The following PNPLA6 variants were observed in gnomAD, a reference collection of about 807,000 sequenced individuals.
The protein encoded by PNPLA6 is patatin like domain 6, lysophospholipase.
A neutral mutation model predicts 153.7 loss-of-function variants in PNPLA6; 105 were observed. That is an observed-to-expected ratio of 0.68 (90% confidence interval 0.58 to 0.80). PNPLA6 has a LOEUF of 0.80. PNPLA6 is among the 30% of genes least tolerant of loss of function. The probability of loss-of-function intolerance (pLI) is 0.00; values close to 1 mark genes in which losing one functional copy is unlikely to be tolerated. For missense variants in PNPLA6, 1,423 were observed against 1,919.3 expected, an observed-to-expected ratio of 0.74 and a Z score of 4.83; for synonymous variants, 825 against 822.2, an observed-to-expected ratio of 1.00 and a Z score of -0.06.
rs758827643 is a variant in PNPLA6 at position 7,555,779 on chromosome 19, A to C, written c.3093+16A>C. Reference sequence around the variant, plus strand: ...GTGGGCCAAGGTGTGTGTTGCGAGGAGGGATTGCTGCACCCCAGGAGTGCC... The same window carrying C: ...GTGGGCCAAGGTGTGTGTTGCGAGGCGGGATTGCTGCACCCCAGGAGTGCC... On this transcript the variant is annotated intron_variant, in intron 24 of 31. Coordinates refer to ENST00000600737, the MANE Select transcript of PNPLA6 (RefSeq NM_001166114.2). This position sits in a 1 kb window ranked among gnomAD's most constrained non-coding sequence, Gnocchi z 6.3. 8.7e-6 allele frequency: 14 copies of C among 1,611,820 alleles called. No individual in the cohort carries two copies. Among genetic ancestry groups the C allele is most frequent in the African/African-American group, 1.3e-5 (1 of 74,866 alleles).
intron 13 of PNPLA6, chr19:7,549,699 C>CT (rs1306416360): frequency 1.7e-6 from 1 of 605,840 alleles, no homozygotes; most frequent in African/African-American, 1.8e-5. Flanking sequence ...GTTGGCCAGG[C>CT]TGGTGCCGAA....
At position 7,561,656 on chromosome 19, in the gene PNPLA6, C is replaced by A; in HGVS notation, c.*94C>A. On this transcript the variant is annotated 3_prime_UTR_variant, in exon 32 of 32. Transcript: ENST00000600737. ...GCTCACTCCCCCTCCTGCTGCTATG[C>A]CTGTGACCCCCGCGGCCCACACACT... 1 of 860,182 alleles carries A rather than the reference C, an allele frequency of 1.2e-6. No homozygotes were observed. Among genetic ancestry groups the A allele is most frequent in the Non-Finnish European group, 1.9e-6 (1 of 529,186 alleles). 53.3% of individuals were successfully genotyped at this position (860,182 alleles called of 1,614,324 possible).
At chr19:7,534,891 C>T (rs2022765440), upstream of PNPLA6, 2 of 158,714 alleles carry the variant, frequency 1.3e-5, no homozygotes, top group African/African-American at 4.8e-5. Context: ...CATCCCAGGA[C>T]TCTTCTGAAA....
intron 3 of PNPLA6, among the ~76,000 whole-genome samples, chr19:7,536,947 A>AG (rs1444681837): frequency 6.6e-6 from 1 of 150,656 alleles, no homozygotes; most frequent in East Asian, 1.9e-4. Flanking sequence ...AAAAAAAAAA[A>AG]AAAAAGAAGA....
In PNPLA6 at chr19:7,542,908, G is replaced by A; in HGVS notation, c.1510G>A (p.Ala504Thr). 1 of 1,613,604 alleles carries A rather than the reference G, an allele frequency of 6.2e-7. No individual in the cohort carries two copies. The highest frequency in any genetic ancestry group is 1.3e-5 in the African/African-American group (1 of 75,052). Residue 504 changes from alanine to threonine, a missense_variant, in exon 12 of 32, where the codon GCC (alanine) becomes ACC (threonine). By Grantham distance (58) the Ala-to-Thr change is moderately conservative. This residue lies in a region of PNPLA6 where 267 missense variants were observed against 255.1 expected (regional missense o/e 1.05). Transcript: ENST00000600737. ...CTTCGAGGCAGCAAAGCAGGAGCTG[G>A]CCAAGCTGATGCGGATTGAGGTGGG... ...SIFEAAKQELAKLMRIEDPSL... is the reference protein window; with the variant it reads ...SIFEAAKQELTKLMRIEDPSL...
At position 7,557,093 on chromosome 19, in the gene PNPLA6, CCATCGGGCCGGCTGGG is replaced by C. The variant is rs2023913378; in HGVS notation, c.3281-73_3281-58del. The stretch of plus-strand genomic sequence containing the variant: ...TTAACAACGTCCCAGGTCAGCGAGC[CCATCGGGCCGGCTGGG>C]CCTCCGGCGTGTCTGAGCGTGTCTG... On this transcript the variant is annotated intron_variant, in intron 26 of 31. Coordinates refer to ENST00000600737, the MANE Select transcript of PNPLA6 (RefSeq NM_001166114.2). 27 of 1,120,986 alleles carry C rather than the reference CCATCGGGCCGGCTGGG, an allele frequency of 2.4e-5. No individual in the cohort carries two copies. In the East Asian group the frequency reaches 6.1e-4, roughly 25 times the overall value. 69.4% of individuals were successfully genotyped at this position (1,120,986 alleles called of 1,614,324 possible).
Position 7,536,293 on chromosome 19 carries a change from G to C in PNPLA6, c.315+20G>C. 6.3e-7 allele frequency: 1 copy of C among 1,591,382 alleles called. No homozygotes were observed. Among genetic ancestry groups the C allele is most frequent in the Non-Finnish European group, 8.6e-7 (1 of 1,159,392 alleles). ...CGGAAGGTGAGTCCGGGACCCCTGG[G>C]GTCCGCCCTGACCACACAGAGGCCG... is the stretch of plus-strand genomic sequence containing the variant. On this transcript the variant is annotated intron_variant, in intron 2 of 31. Coordinates refer to ENST00000600737, the MANE Select transcript of PNPLA6 (RefSeq NM_001166114.2).
intron 13 of PNPLA6, among the ~76,000 whole-genome samples, chr19:7,543,908 G>GGTTC (rs2023270710): frequency 6.6e-6 from 1 of 151,548 alleles, no homozygotes; most frequent in African/African-American, 2.4e-5. Flanking sequence ...CCGCCTCCCG[G>GGTTC]GTTCACGCCA....
intron 3 of PNPLA6, among the ~76,000 whole-genome samples, chr19:7,536,926 CAAAAAAAAAAAAA>C (rs56310906): frequency 3.7e-5 from 2 of 53,966 alleles, no homozygotes; most frequent in East Asian, 6.3e-4. Context: ...GACTCTGTCT[CAAAAAAAAAAAAA>C]AAAAAAAAAA....
At chr19:7,554,424 C>T (rs1309343959) in intron 20 of PNPLA6, 131 bp from the exon 21 acceptor site, 1 of 1,262,536 alleles carries the variant, frequency 7.9e-7, no homozygotes, top group Non-Finnish European at 1.2e-6. Flanking sequence ...TGAATCTGCC[C>T]ACCGGAGCAC....
upstream of PNPLA6, chr19:7,535,671 C>T: frequency 2.0e-6 from 3 of 1,535,434 alleles, no homozygotes; most frequent in Non-Finnish European, 2.6e-6. The surrounding 1 kb of genome is among the most constrained non-coding windows in gnomAD (Gnocchi z 5.0). Flanking sequence ...CGTGGTCTGG[C>T]GATAACGCGC....
rs2023128435 is a variant in PNPLA6, at chr19:7,541,325, C to G, written c.925-29C>G. 6.2e-7 allele frequency: 1 copy of G among 1,603,638 alleles called. No individual in the cohort carries two copies. Among genetic ancestry groups the G allele is most frequent in the Admixed American group, 1.7e-5 (1 of 59,758 alleles). ...GGCCCTGCCCCTTACCCCGCCCCAT[C>G]TTATGGCCACGCCCCTCGAGCCCTG... On this transcript the variant is annotated intron_variant, in intron 7 of 31. Transcript: ENST00000600737. This position sits in a 1 kb window ranked among gnomAD's most constrained non-coding sequence, Gnocchi z 5.2.
At position 7,555,220 on chromosome 19, in the gene PNPLA6, C is replaced by T. The variant is rs1376432339; in HGVS notation, c.2818-29C>T. 6.4e-7 allele frequency: 1 copy of T among 1,568,694 alleles called. No individual in the cohort carries two copies. Among genetic ancestry groups the T allele is most frequent in the South Asian group, 1.1e-5 (1 of 87,242 alleles). On this transcript the variant is annotated intron_variant, in intron 22 of 31. Transcript: ENST00000600737. The surrounding 1 kb of genome is among the most constrained non-coding windows in gnomAD (Gnocchi z 6.3). ...TCCGCCGGACCCCGCCCTCATGCTC[C>T]TGGGTCGCGACTATCTCCCCCATCC... is the stretch of plus-strand genomic sequence containing the variant.
intron 27 of PNPLA6, 112 bp downstream of exon 27, chr19:7,557,396 C>A: frequency 1.3e-6 from 1 of 743,116 alleles, no homozygotes; most frequent in Non-Finnish European, 2.4e-6. Flanking sequence ...CCCAAGCTGC[C>A]CATGCAGGGG....
rs775962215 is a variant in PNPLA6, at chr19:7,554,216, G to A, written c.2409G>A (p.Thr803=). 9.9e-6 allele frequency: 16 copies of A among 1,613,976 alleles called. No homozygotes were observed. Among genetic ancestry groups the A allele is most frequent in the Non-Finnish European group, 1.2e-5 (14 of 1,179,872 alleles). Reference sequence around the variant, plus strand: ...TTCCCCACCTACCCCTAGGTCCGACGCTACTCCTTAACAGTGACATCATCC... The same window carrying A: ...TTCCCCACCTACCCCTAGGTCCGACACTACTCCTTAACAGTGACATCATCC... ...LQHALQAIGP[T]LLLNSDIIRA... is the part of the protein sequence containing the mutation. The change falls in exon 20 of 32, where the codon ACG becomes ACA. Residue 803 remains threonine, a synonymous_variant. Transcript: ENST00000600737.
chr19:7,535,552 T>C (rs765249233), upstream of PNPLA6: 45 of 1,603,924 alleles, frequency 2.8e-5, no homozygotes, highest in Admixed American at 3.4e-4. The surrounding 1 kb of genome is among the most constrained non-coding windows in gnomAD (Gnocchi z 5.0). Flanking sequence ...AATCAACCGA[T>C]GGAGGCTCCG....
chr19:7,553,111 G>A (rs916983608), intron 18 of PNPLA6, among the ~76,000 whole-genome samples: 4 of 152,126 alleles, frequency 2.6e-5, no homozygotes, highest in Non-Finnish European at 1.5e-5. Flanking sequence ...GTTAGATTGG[G>A]GAGGAAGGAT....
Position 7,541,046 on chromosome 19 carries a change from G to A in PNPLA6, c.919G>A (p.Val307Met), listed in dbSNP as rs934487299. Residue 307 changes from valine to methionine, a missense_variant, in exon 7 of 32, where the codon GTG becomes ATG. Around this residue, in one of 10 missense-constraint regions of PNPLA6, gnomAD observed 118 missense variants for 158.8 expected, o/e 0.74. Coordinates refer to ENST00000600737, the MANE Select transcript of PNPLA6 (RefSeq NM_001166114.2). This position sits in a 1 kb window ranked among gnomAD's most constrained non-coding sequence, Gnocchi z 5.2. ...TKYPESLVRV[V>M]QIIMVRLQRV... ...GTACCCGGAGAGCTTGGTGCGGGTCGTGCAGGTCAGTGGGCCTTCGCCTCC... is the reference window on the plus strand; with the variant it reads ...GTACCCGGAGAGCTTGGTGCGGGTCATGCAGGTCAGTGGGCCTTCGCCTCC... 2 of 1,608,366 alleles carry A rather than the reference G, an allele frequency of 1.2e-6. No homozygotes were observed. The highest frequency in any genetic ancestry group is 1.3e-5 in the African/African-American group (1 of 74,802).
At chr19:7,547,933 G>T (rs2023460107) in intron 13 of PNPLA6, among the ~76,000 whole-genome samples, 1 of 149,050 alleles carries the variant, frequency 6.7e-6, no homozygotes, top group South Asian at 2.1e-4. Flanking sequence ...AAAGTTCTGG[G>T]ATTACAGTTG....
Sources: allele counts gnomAD v4.1 joint callset (sites outside exome capture counted in the v4.1 genomes callset), GRCh38; gene constraint gnomAD v4.1.1; regional missense constraint gnomAD v4.1.1; non-coding constraint Gnocchi (gnomAD v3.1); transcripts MANE v1.5; gene names NCBI Gene and HGNC (gene_info 2026-07-23, HGNC 2026-07-21).